IFT80: variants seen among roughly 807,000 people sequenced by gnomAD.
IFT80 encodes the protein intraflagellar transport 80, also known as intraflagellar transport protein 80 homolog.
A neutral mutation model predicts 107.9 loss-of-function variants in IFT80; 79 were observed. That is an observed-to-expected ratio of 0.73 (90% confidence interval 0.61 to 0.88). The LOEUF is 0.88. Among genes scored for constraint, IFT80 ranks in the 40% least tolerant of loss-of-function variants. The probability of loss-of-function intolerance (pLI) is 0.00; values close to 1 mark genes in which losing one functional copy is unlikely to be tolerated. For synonymous variants in IFT80, 299 were observed against 300.9 expected (o/e 0.99, Z 0.07); for missense variants, 797 against 914.2 (o/e 0.87, Z 1.65).
intron 19 of IFT80, among the ~76,000 whole-genome samples, chr3:160,267,285 C>T (rs997606538): frequency 6.6e-6 from 1 of 152,102 alleles, no homozygotes; most frequent in Admixed American, 6.5e-5. Flanking sequence ...TTCTCTCTAT[C>T]TTCTCTCCTC....
intron 12 of IFT80, among the ~76,000 whole-genome samples, chr3:160,286,580 A>C (rs561800713): frequency 1.0e-3 from 158 of 152,258 alleles, no homozygotes; most frequent in African/African-American, 3.5e-3. Context: ...GAGTTTAGTT[A>C]AGGAAAACTC....
chr3:160,277,027 T>C (rs534104260), intron 18 of IFT80, among the ~76,000 whole-genome samples: 1 of 152,196 alleles, frequency 6.6e-6, no homozygotes, highest in Non-Finnish European at 1.5e-5. Context: ...ATCTTCCCTA[T>C]CAAATCTGCA....
chr3:160,259,710 ACT>A (rs1176638354), intron 19 of IFT80, among the ~76,000 whole-genome samples: 7 of 152,110 alleles, frequency 4.6e-5, no homozygotes, highest in Admixed American at 3.9e-4. Flanking sequence ...TTAGGAATAG[ACT>A]CTGCCCCTGA....
chr3:160,367,409 T>C (rs1576879771), intron 5 of IFT80, among the ~76,000 whole-genome samples: 1 of 152,152 alleles, frequency 6.6e-6, no homozygotes, highest in Admixed American at 6.5e-5. Context: ...TCATACCTGA[T>C]GCTACAACAG....
intron 13 of IFT80, among the ~76,000 whole-genome samples, chr3:160,284,880 A>C (rs956131637): frequency 6.6e-6 from 1 of 152,192 alleles, no homozygotes; most frequent in Non-Finnish European, 1.5e-5. Context: ...GTTGATACAT[A>C]CACTAAAAAT....
intron 12 of IFT80, among the ~76,000 whole-genome samples, chr3:160,295,202 A>G (rs1354674859): frequency 1.3e-5 from 2 of 152,214 alleles, no homozygotes; most frequent in African/African-American, 4.8e-5. Flanking sequence ...TACTGCTTTA[A>G]GAAGACAACA....
At chr3:160,383,985 C>G (rs1712723667) in intron 2 of IFT80, 2 of 978,926 alleles carry the variant, frequency 2.0e-6, no homozygotes, top group Non-Finnish European at 2.4e-6. Context: ...TGGCTCATGC[C>G]TGTAATCCCA....
At chr3:160,259,219 G>C (rs1376084672) in intron 19 of IFT80, among the ~76,000 whole-genome samples, 2 of 152,124 alleles carry the variant, frequency 1.3e-5, no homozygotes, top group African/African-American at 4.8e-5. Context: ...TGATTTAAAA[G>C]ACCAAAATCT....
chr3:160,298,383 A>G (rs1716152960), intron 12 of IFT80, among the ~76,000 whole-genome samples: 1 of 152,172 alleles, frequency 6.6e-6, no homozygotes, highest in East Asian at 1.9e-4. Flanking sequence ...ATTTTATTTT[A>G]GTCTTTTAAG....
chr3:160,304,105 A>G, intron 10 of IFT80, 116 bp from the exon 11 acceptor site: 1 of 724,304 alleles, frequency 1.4e-6, no homozygotes, highest in Non-Finnish European at 2.5e-6. Context: ...AATTATATAC[A>G]TACTTTTATT....
rs1576800397 is a variant in IFT80 at position 160,317,552 on chromosome 3, A to G, written c.957+2208T>C. On this transcript the variant is annotated intron_variant, in intron 9 of 19. Transcript: ENST00000326448. ...GCACTACTATATTAGCTATAAATAT[A>G]ATATTATACCCCAATTAGTTGATTA... Among the ~76,000 whole-genome samples, 3 of 152,250 alleles carry G rather than the reference A, an allele frequency of 2.0e-5. No individual in the cohort carries two copies. In the Middle Eastern group the frequency reaches 0.01, roughly 518 times the overall value.
chr3:160,356,645 C>T (rs1721112590), intron 7 of IFT80, among the ~76,000 whole-genome samples: 1 of 152,092 alleles, frequency 6.6e-6, no homozygotes, highest in Non-Finnish European at 1.5e-5. Context: ...TTTAGCCTTC[C>T]AAATAAGCAA....
rs142429290 is a variant in IFT80 at position 160,377,515 on chromosome 3, T to C, written c.285A>G (p.Leu95=). 1 of 1,604,262 alleles carries C rather than the reference T, an allele frequency of 6.2e-7. No homozygotes were observed. The highest frequency in any genetic ancestry group is 1.3e-5 in the African/African-American group (1 of 74,640). The change falls in exon 4 of 20, where the codon TTA becomes TTG. Residue 95 remains leucine (L), a synonymous_variant. Coordinates refer to ENST00000326448, the MANE Select transcript of IFT80 (RefSeq NM_020800.3). ...CTTCTACACTTTTTTCCACTCTTCC[T>C]AACTTGGAAATCAGATGAAATTTAC... ...SDGKFHLISK[L]GRVEKSVEAH... is the part of the protein sequence containing the mutation.
Position 160,272,463 on chromosome 3 carries a change from A to AAG in IFT80, c.2100-3928_2100-3927insCT, listed in dbSNP as rs1713887811. Among the ~76,000 whole-genome samples the AAG allele has an allele frequency of 2.0e-5, 3 of 152,178 alleles. No individual in the cohort carries two copies. The South Asian group carries it at 6.2e-4, about 32-fold the overall frequency. On this transcript the variant is annotated intron_variant, in intron 18 of 19. Transcript: ENST00000326448. ...AAATTGATCATTGTCGAAGTGAATG[A>AAG]TGGGTACATTCAGACTATTCTCTCT...
chr3:160,352,228 T>G (rs898139693), intron 8 of IFT80, among the ~76,000 whole-genome samples: 1 of 151,646 alleles, frequency 6.6e-6, no homozygotes, highest in Non-Finnish European at 1.5e-5. Context: ...TCTCCTGACC[T>G]CGTGATCTGC....
At chr3:160,335,656 GCAA>G (rs1719415887) in intron 8 of IFT80, among the ~76,000 whole-genome samples, 1 of 152,048 alleles carries the variant, frequency 6.6e-6, no homozygotes, top group Non-Finnish European at 1.5e-5. Context: ...TTTCTTTTAA[GCAA>G]CAACTTTATT....
At chr3:160,285,501 A>G (rs1715019652) in intron 13 of IFT80, among the ~76,000 whole-genome samples, 1 of 152,218 alleles carries the variant, frequency 6.6e-6, no homozygotes, top group Admixed American at 6.5e-5. Flanking sequence ...ATTTACTGGT[A>G]AGTGCTAAAA....
At chr3:160,392,019 T>G (rs1713424173) in intron 1 of IFT80, among the ~76,000 whole-genome samples, 5 of 152,188 alleles carry the variant, frequency 3.3e-5, no homozygotes. Flanking sequence ...AACCATAGCC[T>G]TCTTGGAACT....
At chr3:160,343,818 G>T in intron 8 of IFT80, 1 of 308,296 alleles carries the variant, frequency 3.2e-6, no homozygotes, top group South Asian at 2.8e-5. Flanking sequence ...AATAAAAACT[G>T]TCAACAAAAC....
Sources: gnomAD v4.1 joint callset for allele counts (sites outside exome capture counted in the v4.1 genomes callset) on GRCh38, gnomAD v4.1.1 for gene constraint, MANE v1.5 for transcripts, NCBI Gene and HGNC (gene_info 2026-07-23, HGNC 2026-07-21) for gene names.